The following BAG1 variants were observed in gnomAD, a reference collection of about 807,000 sequenced individuals.
BAG1 encodes the protein BAG family molecular chaperone regulator 1.
In BAG1, 35 loss-of-function variants were observed where a neutral mutation model predicts 35.5. That is an observed-to-expected ratio of 0.99 (90% CI 0.75 to 1.31). BAG1 has a LOEUF of 1.31. BAG1 is among the 50% of genes most tolerant of loss of function. The pLI, the probability that BAG1 is intolerant of heterozygous loss-of-function variation, is 0.00. For missense variants in BAG1, 464 were observed against 453.6 expected (o/e 1.02, Z -0.21); for synonymous variants, 191 against 178.9 (o/e 1.07, Z -0.54).
At chr9:33,256,330 A>G (rs1820452524) in intron 5 of BAG1, among the ~76,000 whole-genome samples, 2 of 152,232 alleles carry the variant, frequency 1.3e-5, no homozygotes, top group African/African-American at 4.8e-5. Flanking sequence ...TTCACCTTCA[A>G]GAATGAAGCA....
At chr9:33,255,375 C>T in intron 6 of BAG1, 67 bp from the exon 7 acceptor site, 1 of 1,607,956 alleles carries the variant, frequency 6.2e-7, no homozygotes, top group South Asian at 1.1e-5. Context: ...ACACAAGGCT[C>T]CTTGCTTACC....
chr9:33,257,017 C>T (rs1470663663), intron 4 of BAG1, 109 bp from the exon 5 acceptor site: 14 of 776,182 alleles, frequency 1.8e-5, no homozygotes, highest in South Asian at 3.2e-5. Flanking sequence ...CCCTGGCAGG[C>T]CAGGCCACAT....
chr9:33,253,507 A>C lies in BAG1; in HGVS notation c.*1712T>G, dbSNP rs1820379768. ...GCCCACGCCACACAGCTATCACACA[A>C]AAATAGATCAATAGTGAACCACTCT... On this transcript the variant is annotated 3_prime_UTR_variant, in exon 7 of 7. Transcript: ENST00000634734. The C allele has an allele frequency of 6.6e-6, 1 of 152,200 alleles. No homozygotes were observed. The highest frequency in any genetic ancestry group is 2.1e-4 in the South Asian group (1 of 4,828). The allele number at this position is 152,200 out of a possible 1,614,324, so 9.4% of individuals were successfully genotyped here. A position where few individuals can be genotyped will look rare whatever the true frequency, so the allele number is the denominator to read the frequency against.
chr9:33,264,678 C>T lies in BAG1; in HGVS notation c.-4G>A. 2 of 1,356,988 alleles carry T rather than the reference C, an allele frequency of 1.5e-6. No individual in the cohort carries two copies. Among genetic ancestry groups the T allele is most frequent in the Non-Finnish European group, 1.9e-6 (2 of 1,062,380 alleles). 84.1% of individuals were successfully genotyped at this position (1,356,988 alleles called of 1,614,324 possible). On this transcript the variant is annotated 5_prime_UTR_variant, in exon 1 of 7. Transcript: ENST00000634734. Reference sequence around the variant, plus strand: ...GCGCCCCCCCGCGCTGAGCCAGGCCCGCACTTGTTGACCGCCCAGCGATGG... The same window carrying T: ...GCGCCCCCCCGCGCTGAGCCAGGCCTGCACTTGTTGACCGCCCAGCGATGG...
At position 33,264,325 on chromosome 9, in the gene BAG1, T is replaced by C. The variant is rs1820656254; in HGVS notation, c.350A>G (p.Asn117Ser). The C allele has an allele frequency of 1.2e-6, 2 of 1,613,144 alleles. No individual in the cohort carries two copies. Among genetic ancestry groups the C allele is most frequent in the Non-Finnish European group, 1.7e-6 (2 of 1,179,732 alleles). ...GTCCCGGGTCACCTCCTGGCTCCGA[T>C]TCATCTCTTCGCCCTGGGTCGCCTC... The change falls in exon 1 of 7, where the codon AAT (asparagine) becomes AGT (serine). Residue 117 changes from asparagine (N) to serine (S), a missense_variant. Asn to Ser is a conservative substitution (Grantham distance 46, BLOSUM62 1). Transcript: ENST00000634734.
chr9:33,255,760 C>G (rs1489152655), intron 6 of BAG1, 105 bp downstream of exon 6: 1 of 1,258,646 alleles, frequency 7.9e-7, no homozygotes, highest in African/African-American at 1.5e-5. Flanking sequence ...CAAAACAAGC[C>G]CATACCACAC....
intron 2 of BAG1, chr9:33,261,874 A>G (rs1457270601): frequency 1.0e-6 from 1 of 985,100 alleles, no homozygotes. Flanking sequence ...GCATCCACTG[A>G]GCCCGCCACA....
chr9:33,259,089 G>A, intron 3 of BAG1, 56 bp from the exon 4 acceptor site: 1 of 1,433,842 alleles, frequency 7.0e-7, no homozygotes, highest in Non-Finnish European at 9.7e-7. Flanking sequence ...GGCTGGGCAT[G>A]GTGGCTCATG....
In BAG1 at chr9:33,255,203, C is replaced by G; in HGVS notation, c.*16G>C. ...GCGCCATTCTTCAGGGCAGCACAGC[C>G]TTTTTCTGCTACACCTCACTCGGCC... On this transcript the variant is annotated 3_prime_UTR_variant, in exon 7 of 7. Transcript: ENST00000634734. 6.2e-7 allele frequency: 1 copy of G among 1,614,230 alleles called. No homozygotes were observed. Among genetic ancestry groups the G allele is most frequent in the Non-Finnish European group, 8.5e-7 (1 of 1,180,042 alleles).
chr9:33,263,848 C>A (rs917413967), intron 1 of BAG1, among the ~76,000 whole-genome samples: 2 of 152,106 alleles, frequency 1.3e-5, no homozygotes, highest in Non-Finnish European at 2.9e-5. Context: ...CGAGGAGCAC[C>A]CCGGCATGCA....
At chr9:33,262,041 C>A in intron 2 of BAG1, 1 of 1,221,926 alleles carries the variant, frequency 8.2e-7, no homozygotes, top group South Asian at 1.4e-5. Context: ...ATAGTAATTT[C>A]ATAGAAGTGA....
At position 33,253,545 on chromosome 9, in the gene BAG1, G is replaced by A. The variant is rs1171041243; in HGVS notation, c.*1674C>T. The A allele has an allele frequency of 6.6e-6, 1 of 152,148 alleles. No individual in the cohort carries two copies. The highest frequency in any genetic ancestry group is 2.4e-5 in the African/African-American group (1 of 41,418). 9.4% of individuals were successfully genotyped at this position (152,148 alleles called of 1,614,324 possible). Reference sequence around the variant, plus strand: ...AGTGAACCACTCTGATTAAAGTTGGGGTGCGGTGGGCTGGGACCCGAGCCT... The same window carrying A: ...AGTGAACCACTCTGATTAAAGTTGGAGTGCGGTGGGCTGGGACCCGAGCCT... On this transcript the variant is annotated 3_prime_UTR_variant, in exon 7 of 7. Transcript: ENST00000634734.
At chr9:33,256,976 T>A in intron 4 of BAG1, 68 bp from the exon 5 acceptor site, 1 of 1,184,366 alleles carries the variant, frequency 8.4e-7, no homozygotes, top group Non-Finnish European at 1.3e-6. Context: ...GCCACAATAC[T>A]AATGATGCAA....
At chr9:33,262,170 CTT>C in intron 2 of BAG1, 1 of 1,289,792 alleles carries the variant, frequency 7.8e-7, no homozygotes, top group East Asian at 5.5e-5. Context: ...CATCATAAGA[CTT>C]CAAATCTGAC....
intron 1 of BAG1, 70 bp downstream of exon 1, chr9:33,264,154 G>T (rs955411989): frequency 6.7e-7 from 1 of 1,499,896 alleles, no homozygotes; most frequent in Non-Finnish European, 8.9e-7. Flanking sequence ...TGGAGGACAC[G>T]TGACTAAACC....
chr9:33,261,654 GAAATA>G (rs1423627831), intron 2 of BAG1, among the ~76,000 whole-genome samples: 4 of 151,878 alleles, frequency 2.6e-5, no homozygotes, highest in African/African-American at 9.7e-5. Flanking sequence ...TTATAATTCA[GAAATA>G]AAATATTTTT....
At position 33,258,896 on chromosome 9, in the gene BAG1, G is replaced by A. The variant is rs1820510833; in HGVS notation, c.777+24C>T. On this transcript the variant is annotated intron_variant, in intron 4 of 6. Transcript: ENST00000634734. ...AGGAAGCTCTGATAGAAGGCAGAAA[G>A]TTAAGGTCCATGAAGAGAGTTACCT... The A allele has an allele frequency of 1.9e-6, 3 of 1,591,620 alleles. No individual in the cohort carries two copies. In the East Asian group the frequency reaches 6.7e-5, roughly 36 times the overall value.
intron 1 of BAG1, 105 bp from the exon 2 acceptor site, chr9:33,262,935 T>A (rs1241517006): frequency 6.1e-6 from 9 of 1,480,468 alleles, no homozygotes; most frequent in Non-Finnish European, 7.3e-6. Context: ...GCCCAGCTCA[T>A]ATGCCACCTA....
chr9:33,256,056 T>C (rs976777009), intron 5 of BAG1, 129 bp from the exon 6 acceptor site: 2 of 809,368 alleles, frequency 2.5e-6, no homozygotes, highest in African/African-American at 3.4e-5. Context: ...AGGTCACCAA[T>C]GTAAATGTGA....
Sources: allele counts gnomAD v4.1 joint callset (sites outside exome capture counted in the v4.1 genomes callset), GRCh38; gene constraint gnomAD v4.1.1; transcripts MANE v1.5; gene names NCBI Gene and HGNC (gene_info 2026-07-23, HGNC 2026-07-21).